The following DCC variants were observed in gnomAD, a reference collection of about 807,000 sequenced individuals.
DCC encodes the protein DCC netrin 1 receptor, also known as netrin receptor DCC.
Under a neutral mutation model 172.5 loss-of-function variants are expected in DCC, and 58 were observed. That is an observed-to-expected ratio of 0.34 (90% CI 0.27 to 0.42). DCC has a LOEUF of 0.42. Ranked by LOEUF, DCC falls within the 10% of genes least tolerant of loss-of-function variation. The pLI, the probability that DCC is intolerant of heterozygous loss-of-function variation, is 1.00. For synonymous variants in DCC, 709 were observed against 644.5 expected (o/e 1.10, Z -1.52); for missense variants, 1,740 against 1,791.0 (o/e 0.97, Z 0.51).
At chr18:53,361,601 T>C (rs2057948367) in intron 15 of DCC, among the ~76,000 whole-genome samples, 1 of 152,148 alleles carries the variant, frequency 6.6e-6, no homozygotes, top group Non-Finnish European at 1.5e-5. Flanking sequence ...GAAAGAACTG[T>C]GTCAGTCAAT....
chr18:52,883,140 A>G (rs1045599502), intron 2 of DCC, among the ~76,000 whole-genome samples: 2 of 151,830 alleles, frequency 1.3e-5, no homozygotes, highest in Non-Finnish European at 2.9e-5. Flanking sequence ...GTCCATGTGC[A>G]TCTTTACAGG....
At chr18:52,741,512 C>T (rs1046212117) in intron 1 of DCC, among the ~76,000 whole-genome samples, 1 of 152,172 alleles carries the variant, frequency 6.6e-6, no homozygotes, top group African/African-American at 2.4e-5. Context: ...GCACCCCTCT[C>T]AGTTGTGACA....
At chr18:53,285,058 A>T (rs1284054925) in intron 12 of DCC, among the ~76,000 whole-genome samples, 2 of 152,214 alleles carry the variant, frequency 1.3e-5, no homozygotes, top group Non-Finnish European at 2.9e-5. Context: ...TAAATTTTAC[A>T]TGGGAAACAG....
At chr18:52,545,507 G>GA (rs1233012971) in intron 1 of DCC, among the ~76,000 whole-genome samples, 1 of 152,182 alleles carries the variant, frequency 6.6e-6, no homozygotes, top group African/African-American at 2.4e-5. Flanking sequence ...TTTGTTATGG[G>GA]AAAAAACAGG....
chr18:53,455,965 G>T (rs1282549047), intron 23 of DCC, among the ~76,000 whole-genome samples: 3 of 152,212 alleles, frequency 2.0e-5, no homozygotes, highest in Non-Finnish European at 4.4e-5. Flanking sequence ...AATAAGTGTT[G>T]TAAAACAATG....
intron 1 of DCC, among the ~76,000 whole-genome samples, chr18:52,473,155 A>G (rs1988994686): frequency 6.6e-6 from 1 of 152,176 alleles, no homozygotes; most frequent in Non-Finnish European, 1.5e-5. Context: ...CTCATGGTTT[A>G]GTGGAAAGGA....
chr18:53,216,602 T>A (rs1166206578), intron 12 of DCC, among the ~76,000 whole-genome samples: 1 of 152,172 alleles, frequency 6.6e-6, no homozygotes, highest in Admixed American at 6.5e-5. Flanking sequence ...TGATAGTGAT[T>A]CCTTCATTCC....
intron 1 of DCC, among the ~76,000 whole-genome samples, chr18:52,656,068 A>ATG (rs751478564): frequency 1.5e-4 from 21 of 137,634 alleles, no homozygotes; most frequent in African/African-American, 5.5e-4. Flanking sequence ...GTGTATATAT[A>ATG]TGTGTATATA....
intron 1 of DCC, among the ~76,000 whole-genome samples, chr18:52,567,705 A>G (rs1208913464): frequency 6.6e-6 from 1 of 152,126 alleles, no homozygotes; most frequent in African/African-American, 2.4e-5. Flanking sequence ...TTACTTCGGT[A>G]CAAATGTACA....
At chr18:52,960,024 A>G (rs532652339) in intron 5 of DCC, among the ~76,000 whole-genome samples, 2 of 152,250 alleles carry the variant, frequency 1.3e-5, no homozygotes, top group African/African-American at 4.8e-5. Flanking sequence ...AACAACAGCA[A>G]AATGAAAAGG....
chr18:53,095,089 C>T (rs887713240), intron 7 of DCC, among the ~76,000 whole-genome samples: 4 of 152,176 alleles, frequency 2.6e-5, no homozygotes, highest in African/African-American at 4.8e-5. Flanking sequence ...ATCTGTTTTG[C>T]AATTTTAAAA....
intron 5 of DCC, among the ~76,000 whole-genome samples, chr18:53,036,306 C>T (rs1396343833): frequency 6.6e-6 from 1 of 151,992 alleles, no homozygotes; most frequent in Non-Finnish European, 1.5e-5. Flanking sequence ...TCTATTAGGG[C>T]ACAATTTGAG....
chr18:52,499,139 A>G (rs112391890), intron 1 of DCC, among the ~76,000 whole-genome samples: 2,300 of 152,250 alleles, frequency 0.015, 33 homozygotes, highest in Admixed American at 0.036. Context: ...TCCTTCAAAG[A>G]AACTGCAAGC....
intron 27 of DCC, among the ~76,000 whole-genome samples, chr18:53,520,101 T>C (rs575056049): frequency 1.3e-5 from 2 of 152,022 alleles, no homozygotes; most frequent in South Asian, 4.2e-4. Context: ...CTGAAAGCAG[T>C]GTAGAAAAAA....
intron 1 of DCC, among the ~76,000 whole-genome samples, chr18:52,745,319 A>G (rs1032058545): frequency 2.0e-5 from 3 of 152,200 alleles, no homozygotes; most frequent in Non-Finnish European, 4.4e-5. Flanking sequence ...AAGGGACACA[A>G]GAACCCCCTT....
At chr18:52,664,141 A>T (rs1466023060) in intron 1 of DCC, among the ~76,000 whole-genome samples, 1 of 152,216 alleles carries the variant, frequency 6.6e-6, no homozygotes, top group Non-Finnish European at 1.5e-5. Context: ...GACATGTAAT[A>T]CTTTGCTGCT....
intron 20 of DCC, among the ~76,000 whole-genome samples, chr18:53,415,134 C>T (rs540982790): frequency 3.9e-5 from 6 of 152,250 alleles, no homozygotes; most frequent in African/African-American, 7.2e-5. Flanking sequence ...ACCTGTAGGG[C>T]GTTTAAGGTA....
At chr18:53,059,373 C>T (rs1014281582) in intron 5 of DCC, among the ~76,000 whole-genome samples, 2 of 151,992 alleles carry the variant, frequency 1.3e-5, no homozygotes, top group African/African-American at 2.4e-5. Flanking sequence ...AGAAAAGGGT[C>T]ATTTGTTTCA....
chr18:52,408,489 T>C (rs1814419310), intron 1 of DCC, among the ~76,000 whole-genome samples: 1 of 152,036 alleles, frequency 6.6e-6, no homozygotes, highest in South Asian at 2.1e-4. Context: ...CAGCCCCTGT[T>C]GGCAAAGACA....
Sources: gnomAD v4.1 joint callset for allele counts (sites outside exome capture counted in the v4.1 genomes callset) on GRCh38, gnomAD v4.1.1 for gene constraint, MANE v1.5 for transcripts, NCBI Gene and HGNC (gene_info 2026-07-23, HGNC 2026-07-21) for gene names.